The following TCF3 variants were observed in gnomAD, a reference collection of about 807,000 sequenced individuals.
TCF3 encodes the protein transcription factor E2-alpha.
In TCF3, 54 loss-of-function variants were observed where a neutral mutation model predicts 72.3. That is an observed-to-expected ratio of 0.75 (90% CI 0.60 to 0.94). The LOEUF is 0.94. TCF3 is among the 40% of genes least tolerant of loss of function. The pLI, the probability that TCF3 is intolerant of heterozygous loss-of-function variation, is 0.00. For missense variants in TCF3, 1,078 were observed against 934.4 expected, an observed-to-expected ratio of 1.15 and a Z score of -2.00; for synonymous variants, 525 against 412.6, an observed-to-expected ratio of 1.27 and a Z score of -3.30.
rs1191453562 is a variant in TCF3, at chr19:1,615,117, C to T, written c.1822+168G>A. Among the ~76,000 whole-genome samples, 1 of 152,052 alleles carries T rather than the reference C, an allele frequency of 6.6e-6. No individual in the cohort carries two copies. The highest frequency in any genetic ancestry group is 2.1e-4 in the South Asian group (1 of 4,820). On this transcript the variant is annotated intron_variant, in intron 18 of 18. Transcript: ENST00000262965. This position sits in a 1 kb window ranked among gnomAD's most constrained non-coding sequence, Gnocchi z 7.3. ...AGAAGGGCTGGCAGTCAGGAGTGGA[C>T]AGTCATGGCAATGCGGTCAGAGGGG...
intron 5 of TCF3, 198 bp downstream of exon 5, chr19:1,631,840 G>T: frequency 7.1e-7 from 1 of 1,401,766 alleles, no homozygotes; most frequent in Non-Finnish European, 9.6e-7. Context: ...TAGTTGCAGA[G>T]TGCCGTGCCA....
Position 1,619,464 on chromosome 19 carries a change from A to G in TCF3, c.1178T>C (p.Ile393Thr). 6.3e-7 allele frequency: 1 copy of G among 1,579,160 alleles called. No individual in the cohort carries two copies. The highest frequency in any genetic ancestry group is 8.6e-7 in the Non-Finnish European group (1 of 1,167,022). ...GATGGCCTCGTCCAGGTGGTCTTCTATCTTACTCTGCTGCAGGGTGGGGGG... is the reference window on the plus strand; with the variant it reads ...GATGGCCTCGTCCAGGTGGTCTTCTGTCTTACTCTGCTGCAGGGTGGGGGG... ...DGGLHGLQSK[I>T]EDHLDEAIHV... is the part of the protein sequence containing the mutation. Residue 393 changes from isoleucine (I) to threonine (T), a missense_variant, in exon 15 of 19, where the codon ATA (isoleucine) becomes ACA (threonine). Ile to Thr is a moderately conservative substitution (Grantham distance 89). Transcript: ENST00000262965.
intron 8 of TCF3, among the ~76,000 whole-genome samples, 187 bp from the exon 9 acceptor site, chr19:1,622,602 G>A (rs947949233): frequency 6.6e-6 from 1 of 151,894 alleles, no homozygotes; most frequent in African/African-American, 2.4e-5. Flanking sequence ...TGATGTCCTG[G>A]TCTCTCTCTC....
intron 5 of TCF3, among the ~76,000 whole-genome samples, chr19:1,631,742 C>T (rs1019085878): frequency 3.3e-5 from 5 of 152,232 alleles, no homozygotes; most frequent in African/African-American, 4.8e-5. Flanking sequence ...GACCCCTCCC[C>T]GGGAAGCAGG....
Position 1,633,173 on chromosome 19 carries a change from A to C in TCF3, c.146-768T>G, listed in dbSNP as rs148925685. ...CCAGAATCTTCTGCCCTGGGCAGGGAGGGCCTGCTTGGATCCTTCCCCCTT... is the reference window on the plus strand; with the variant it reads ...CCAGAATCTTCTGCCCTGGGCAGGGCGGGCCTGCTTGGATCCTTCCCCCTT... On this transcript the variant is annotated intron_variant, in intron 3 of 18. Coordinates refer to ENST00000262965, the MANE Select transcript of TCF3 (RefSeq NM_003200.5). Among the ~76,000 whole-genome samples, 967 of 152,274 alleles carry C rather than the reference A, an allele frequency of 6.4e-3. 18 individuals are homozygous for C. Among genetic ancestry groups the C allele is most frequent in the African/African-American group, 0.022 (911 of 41,558 alleles).
At chr19:1,641,782 A>G (rs890437803) in intron 3 of TCF3, among the ~76,000 whole-genome samples, 3 of 151,926 alleles carry the variant, frequency 2.0e-5, no homozygotes, top group Non-Finnish European at 4.4e-5. Flanking sequence ...AAACAGAGAC[A>G]GGGTTTCTCC....
intron 1 of TCF3, among the ~76,000 whole-genome samples, chr19:1,651,630 G>A (rs574191760): frequency 6.6e-6 from 1 of 152,226 alleles, no homozygotes; most frequent in African/African-American, 2.4e-5. Flanking sequence ...GCACGGCGCC[G>A]AAGGCGGGGG....
intron 3 of TCF3, among the ~76,000 whole-genome samples, chr19:1,645,676 C>A (rs62130071): frequency 0.073 from 11,071 of 152,230 alleles, 554 homozygotes; most frequent in Non-Finnish European, 0.094. Context: ...TGAAGCCCTG[C>A]CCATGCTCCA....
At chr19:1,627,841 CAG>C (rs1318849479) in intron 5 of TCF3, among the ~76,000 whole-genome samples, 3,814 of 34,400 alleles carry the variant, frequency 0.11, 659 homozygotes, top group Middle Eastern at 0.25. Context: ...GCAGAGCTCA[CAG>C]GGGGTGAGGC....
chr19:1,632,542 C>G (rs545377189), intron 3 of TCF3, 137 bp from the exon 4 acceptor site: 1 of 825,306 alleles, frequency 1.2e-6, no homozygotes, highest in African/African-American at 1.7e-5. Context: ...CCTCACCCAG[C>G]CCGACTCATG....
Position 1,609,822 on chromosome 19 carries a change from A to G in TCF3, c.*1885T>C, listed in dbSNP as rs1217794094. On this transcript the variant is annotated 3_prime_UTR_variant, in exon 19 of 19. Coordinates refer to ENST00000262965, the MANE Select transcript of TCF3 (RefSeq NM_003200.5). The stretch of plus-strand genomic sequence containing the variant: ...GCTCCCAAGCCAGTCTGGGGAGGGG[A>G]GTCAGGCAGTCCAGGATCTCCTGGG... 2.6e-5 allele frequency: 6 copies of G among 231,248 alleles called. No individual in the cohort carries two copies. The highest frequency in any genetic ancestry group is 5.6e-5 in the Admixed American group (1 of 17,710). The allele number at this position is 231,248 out of a possible 1,614,324, so 14.3% of individuals were successfully genotyped here.
rs1342804590 is a variant in TCF3, at chr19:1,611,568, TG to T, written c.*138del. On this transcript the variant is annotated 3_prime_UTR_variant, in exon 19 of 19. Transcript: ENST00000262965. ...TGGCCGCCCCCATCACTCCGAACCT[TG>T]TCAGGTTGGTGTTGGCTCGATGCTG... is the stretch of plus-strand genomic sequence containing the variant. The T allele has an allele frequency of 8.0e-7, 1 of 1,250,006 alleles. No individual in the cohort carries two copies. The highest frequency in any genetic ancestry group is 1.1e-6 in the Non-Finnish European group (1 of 925,086). 77.4% of individuals were successfully genotyped at this position (1,250,006 alleles called of 1,614,324 possible).
In TCF3 at chr19:1,619,485, G is replaced by A. The variant is rs1568356387; in HGVS notation, c.1168-11C>T. The A allele has an allele frequency of 6.4e-7, 1 of 1,567,502 alleles. No individual in the cohort carries two copies. Among genetic ancestry groups the A allele is most frequent in the Non-Finnish European group, 8.6e-7 (1 of 1,159,210 alleles). ...TTCTATCTTACTCTGCTGCAGGGTG[G>A]GGGGATGGGTGGTGAGGGGCCCAAG... On this transcript the variant is annotated splice_polypyrimidine_tract_variant and intron_variant, in intron 14 of 18. Transcript: ENST00000262965.
At chr19:1,623,486 C>T (rs764884607) in intron 8 of TCF3, among the ~76,000 whole-genome samples, 4 of 149,024 alleles carry the variant, frequency 2.7e-5, no homozygotes, top group African/African-American at 4.9e-5. Flanking sequence ...TGGGTTCAAA[C>T]GATTCTTCTG....
intron 3 of TCF3, among the ~76,000 whole-genome samples, chr19:1,639,937 G>A (rs2065004239): frequency 6.6e-6 from 1 of 152,038 alleles, no homozygotes; most frequent in African/African-American, 2.4e-5. Flanking sequence ...AGAAAGAGAA[G>A]AAATGCCGAT....
At chr19:1,651,646 C>A (rs1314056343) in intron 1 of TCF3, among the ~76,000 whole-genome samples, 2 of 152,080 alleles carry the variant, frequency 1.3e-5, no homozygotes, top group Admixed American at 6.5e-5. Flanking sequence ...GGGGGGCGCG[C>A]TGGAACGCCT....
intron 3 of TCF3, among the ~76,000 whole-genome samples, chr19:1,639,895 G>A (rs1049296964): frequency 6.6e-6 from 1 of 152,192 alleles, no homozygotes; most frequent in Admixed American, 6.5e-5. Context: ...TCAGCAAAAG[G>A]GGCCTGTGAT....
intron 3 of TCF3, among the ~76,000 whole-genome samples, chr19:1,643,492 A>T (rs2065634508): frequency 6.6e-6 from 1 of 152,116 alleles, no homozygotes; most frequent in Non-Finnish European, 1.5e-5. Context: ...AAGTGCTGGG[A>T]TTATAGGCAT....
Position 1,614,390 on chromosome 19 carries a change from C to A in TCF3, c.1822+895G>T, listed in dbSNP as rs2061339840. Among the ~76,000 whole-genome samples, 1 of 152,206 alleles carries A rather than the reference C, an allele frequency of 6.6e-6. No individual in the cohort carries two copies. The highest frequency in any genetic ancestry group is 6.5e-5 in the Admixed American group (1 of 15,290). ...GAAACGCCCTGAGGTTGCAGCCCAG[C>A]CGCTCCCGGTGCTCGGGCAGCAAGT... On this transcript the variant is annotated intron_variant, in intron 18 of 18. Coordinates refer to ENST00000262965, the MANE Select transcript of TCF3 (RefSeq NM_003200.5). This position sits in a 1 kb window ranked among gnomAD's most constrained non-coding sequence, Gnocchi z 5.6.
Sources: allele counts gnomAD v4.1 joint callset (sites outside exome capture counted in the v4.1 genomes callset), GRCh38; gene constraint gnomAD v4.1.1; non-coding constraint Gnocchi (gnomAD v3.1); transcripts MANE v1.5; gene names NCBI Gene and HGNC (gene_info 2026-07-23, HGNC 2026-07-21).